PRKCI: variants seen among roughly 807,000 people sequenced by gnomAD.
PRKCI encodes the protein protein kinase C iota.
PRKCI carries 43 observed loss-of-function variants against 84.0 expected under a neutral mutation model. The observed-to-expected ratio is 0.51, with a 90% CI of 0.40 to 0.66. The LOEUF is 0.66. Among genes scored for constraint, PRKCI ranks in the 30% least tolerant of loss-of-function variants. The pLI, the probability that PRKCI is intolerant of heterozygous loss-of-function variation, is 0.00. For synonymous variants in PRKCI, 216 were observed against 234.4 expected (o/e 0.92, Z 0.72); for missense variants, 459 against 745.6 (o/e 0.62, Z 4.48).
intron 2 of PRKCI, among the ~76,000 whole-genome samples, chr3:170,243,870 T>A (rs143279313): frequency 1.3e-5 from 2 of 152,330 alleles, no homozygotes; most frequent in African/African-American, 4.8e-5. Context: ...CAGGAAATTC[T>A]GGCTGCCATC....
chr3:170,241,705 C>G (rs889045864), intron 2 of PRKCI, among the ~76,000 whole-genome samples: 25 of 148,426 alleles, frequency 1.7e-4, no homozygotes, highest in African/African-American at 6.6e-4. Flanking sequence ...AGGCCTCACT[C>G]TGTTACTCAG....
chr3:170,260,618 A>G (rs993430085), intron 3 of PRKCI, among the ~76,000 whole-genome samples: 1 of 152,036 alleles, frequency 6.6e-6, no homozygotes, highest in African/African-American at 2.4e-5. Context: ...ATGGCTGGCT[A>G]ATTTTTATAT....
chr3:170,227,912 G>GA (rs1319074975), intron 1 of PRKCI, among the ~76,000 whole-genome samples: 1 of 152,184 alleles, frequency 6.6e-6, no homozygotes, highest in African/African-American at 2.4e-5. Flanking sequence ...TAAGGAGAGA[G>GA]AAAAGAGTGT....
intron 1 of PRKCI, among the ~76,000 whole-genome samples, chr3:170,233,159 G>A (rs1382408186): frequency 7.3e-6 from 1 of 137,362 alleles, no homozygotes; most frequent in South Asian, 2.4e-4. Context: ...GTATTTTTTC[G>A]AATAGCCTAA....
At chr3:170,277,687 C>G (rs1442346481) in intron 8 of PRKCI, among the ~76,000 whole-genome samples, 3 of 147,774 alleles carry the variant, frequency 2.0e-5, no homozygotes, top group Non-Finnish European at 3.0e-5. Context: ...GAGCGAGACT[C>G]CGTCTCAAAA....
At position 170,269,212 on chromosome 3, in the gene PRKCI, G is replaced by T. The variant is rs150794252; in HGVS notation, c.451-1209G>T. Among the ~76,000 whole-genome samples the T allele has an allele frequency of 5.0e-3, 761 of 152,278 alleles. 1 individual carries two copies. Among genetic ancestry groups the T allele is most frequent in the Non-Finnish European group, 7.4e-3 (505 of 68,026 alleles). ...TTACAGGCTTGAGCCACCATGCCTG[G>T]CCAGAAACGAATTTTTTAAATACTC... is the stretch of plus-strand genomic sequence containing the variant. On this transcript the variant is annotated intron_variant, in intron 5 of 17. Coordinates refer to ENST00000295797, the MANE Select transcript of PRKCI (RefSeq NM_002740.6).
intron 1 of PRKCI, among the ~76,000 whole-genome samples, chr3:170,234,320 C>G (rs544617297): frequency 2.2e-4 from 34 of 152,228 alleles, no homozygotes; most frequent in African/African-American, 8.2e-4. Flanking sequence ...TGTGAGCCAC[C>G]ACGCCCAGCC....
At chr3:170,257,057 G>A (rs2692238) in intron 2 of PRKCI, among the ~76,000 whole-genome samples, 38,433 of 151,870 alleles carry the variant, frequency 0.25, 5,507 homozygotes, top group African/African-American at 0.39. Context: ...TTGTAGGTTA[G>A]TAACAATATT....
intron 2 of PRKCI, among the ~76,000 whole-genome samples, chr3:170,257,535 G>GA (rs535090951): frequency 3.8e-4 from 58 of 151,656 alleles, no homozygotes; most frequent in South Asian, 3.3e-3. Context: ...AGTATGAAGT[G>GA]AAAAAAAACC....
At chr3:170,297,446 A>G (rs1216082437) in intron 16 of PRKCI, 53 bp downstream of exon 16, 3 of 1,414,918 alleles carry the variant, frequency 2.1e-6, no homozygotes, top group Admixed American at 3.8e-5. Context: ...TCTTGGGCCA[A>G]TTTTTTGTTG....
chr3:170,227,897 T>C (rs1404072349), intron 1 of PRKCI, among the ~76,000 whole-genome samples: 1 of 152,152 alleles, frequency 6.6e-6, no homozygotes, highest in Non-Finnish European at 1.5e-5. Context: ...CCAGATGAGA[T>C]ATTTTAAGGA....
rs111662906 is a variant in PRKCI at position 170,272,924 on chromosome 3, G to A, written c.592-362G>A. 1.5e-3 allele frequency among the ~76,000 whole-genome samples: 230 copies of A among 152,144 alleles called. 2 individuals carry two copies. The highest frequency in any genetic ancestry group is 4.7e-3 in the African/African-American group (197 of 41,496). On this transcript the variant is annotated intron_variant, in intron 6 of 17. Transcript: ENST00000295797. Reference sequence around the variant, plus strand: ...TTATAGACATCCTGAAGTCTACCCCGGACCCCAGCTAAAGAATGCATATTC... The same window carrying A: ...TTATAGACATCCTGAAGTCTACCCCAGACCCCAGCTAAAGAATGCATATTC...
intron 8 of PRKCI, among the ~76,000 whole-genome samples, chr3:170,279,247 T>G (rs935465287): frequency 6.6e-6 from 1 of 152,148 alleles, no homozygotes; most frequent in Non-Finnish European, 1.5e-5. Context: ...CCCAGGCTGG[T>G]CTTGAACTCC....
intron 2 of PRKCI, among the ~76,000 whole-genome samples, chr3:170,254,108 A>T (rs1733524466): frequency 6.6e-6 from 1 of 151,550 alleles, no homozygotes; most frequent in Admixed American, 6.6e-5. Context: ...AAAAAAAAAA[A>T]GGAAAAATGT....
Position 170,268,363 on chromosome 3 carries a change from C to T in PRKCI, c.450+363C>T, listed in dbSNP as rs138656972. 7.2e-3 allele frequency among the ~76,000 whole-genome samples: 1,096 copies of T among 151,800 alleles called. 9 individuals carry two copies. Among genetic ancestry groups the T allele is most frequent in the Middle Eastern group, 0.027 (8 of 294 alleles). On this transcript the variant is annotated intron_variant, in intron 5 of 17. Transcript: ENST00000295797. ...GGTGCAGTCACATGCACCTGTAGTC[C>T]CAGCTACTCGGGAGGCTGAGGCAGG...
chr3:170,250,924 C>G (rs1028905154), intron 2 of PRKCI, among the ~76,000 whole-genome samples: 1 of 151,970 alleles, frequency 6.6e-6, no homozygotes, highest in Non-Finnish European at 1.5e-5. Context: ...TCATGTTGAC[C>G]TCACTCTCTT....
rs558588499 is a variant in PRKCI, at chr3:170,279,609, C to T, written c.706-618C>T. Among the ~76,000 whole-genome samples the T allele has an allele frequency of 5.9e-5, 9 of 152,294 alleles. No individual in the cohort carries two copies. In the South Asian group the frequency reaches 8.3e-4, roughly 14 times the overall value. Reference sequence around the variant, plus strand: ...GAATGAATTTTAAGGCTTACTTTGTCGTCCCAAAGGGGTCTTGGTATTCTG... The same window carrying T: ...GAATGAATTTTAAGGCTTACTTTGTTGTCCCAAAGGGGTCTTGGTATTCTG... On this transcript the variant is annotated intron_variant, in intron 8 of 17. Transcript: ENST00000295797.
At chr3:170,284,362 G>GA (rs1330630227) in intron 11 of PRKCI, 99 bp from the exon 12 acceptor site, 15 of 1,089,750 alleles carry the variant, frequency 1.4e-5, no homozygotes, top group Middle Eastern at 3.2e-4. Context: ...ATCACTGGGA[G>GA]AAAAAAATAT....
intron 2 of PRKCI, among the ~76,000 whole-genome samples, chr3:170,248,252 A>G (rs1323703016): frequency 6.6e-6 from 1 of 152,234 alleles, no homozygotes; most frequent in Non-Finnish European, 1.5e-5. Context: ...GTTATCTCAT[A>G]TAAATAATTG....
Sources: allele counts gnomAD v4.1 joint callset (sites outside exome capture counted in the v4.1 genomes callset), GRCh38; gene constraint gnomAD v4.1.1; transcripts MANE v1.5; gene names NCBI Gene and HGNC (gene_info 2026-07-23, HGNC 2026-07-21).